The following EML5 variants were observed in gnomAD, a reference collection of about 807,000 sequenced individuals.
The protein encoded by EML5 is echinoderm microtubule-associated protein-like 5.
Under a neutral mutation model 250.0 loss-of-function variants are expected in EML5, and 120 were observed. The observed-to-expected ratio is 0.48, with a 90% confidence interval of 0.41 to 0.56. The LOEUF is 0.56. Among genes scored for constraint, EML5 ranks in the 20% least tolerant of loss-of-function variants. EML5 has a pLI of 0.00. For missense variants in EML5, 2,006 were observed against 2,437.6 expected (o/e 0.82, Z 3.73); for synonymous variants, 771 against 806.5 (o/e 0.96, Z 0.75).
At chr14:88,657,294 T>G (rs1363305871) in intron 27 of EML5, 82 bp downstream of exon 27, 2 of 1,350,408 alleles carry the variant, frequency 1.5e-6, no homozygotes, top group African/African-American at 2.9e-5. Flanking sequence ...ACTTAGTTTG[T>G]GTAAAAAAGC....
At chr14:88,735,056 CAG>C (rs552885185) in intron 7 of EML5, among the ~76,000 whole-genome samples, 1 of 151,882 alleles carries the variant, frequency 6.6e-6, no homozygotes, top group Non-Finnish European at 1.5e-5. Context: ...AAGATACAAA[CAG>C]AAATATTTAC....
intron 6 of EML5, among the ~76,000 whole-genome samples, chr14:88,736,862 CT>C (rs886160532): frequency 1.3e-5 from 2 of 151,854 alleles, no homozygotes; most frequent in Non-Finnish European, 2.9e-5. Flanking sequence ...TTGAGGGGTG[CT>C]TTTTTTAAGC....
chr14:88,678,688 C>T lies in EML5; in HGVS notation c.3124+3202G>A, dbSNP rs892485254. Among the ~76,000 whole-genome samples the T allele has an allele frequency of 3.9e-5, 6 of 152,176 alleles. No individual in the cohort carries two copies. In the East Asian group the frequency reaches 5.8e-4, roughly 15 times the overall value. The stretch of plus-strand genomic sequence containing the variant: ...GAATCATTAGCATCCAGAGTAAACA[C>T]GGGTTATATTGTTTTGAAAAAAATT... On this transcript the variant is annotated intron_variant, in intron 21 of 43. Transcript: ENST00000554922.
At chr14:88,789,057 C>T (rs1054751952) in intron 1 of EML5, among the ~76,000 whole-genome samples, 3 of 151,382 alleles carry the variant, frequency 2.0e-5, no homozygotes, top group African/African-American at 4.9e-5. Flanking sequence ...AGAGCAAGGG[C>T]CTGTCTCAGT....
At chr14:88,734,661 C>T (rs1353524380) in intron 7 of EML5, among the ~76,000 whole-genome samples, 1 of 152,002 alleles carries the variant, frequency 6.6e-6, no homozygotes, top group African/African-American at 2.4e-5. Context: ...ACATTACATA[C>T]CATCAAGCAG....
intron 17 of EML5, among the ~76,000 whole-genome samples, chr14:88,693,660 A>G (rs2093009419): frequency 6.6e-6 from 1 of 152,194 alleles, no homozygotes; most frequent in South Asian, 2.1e-4. Flanking sequence ...ATTACTTTTA[A>G]AAAATAAACT....
chr14:88,634,368 T>C (rs1254865927), intron 33 of EML5, 101 bp downstream of exon 33: 2 of 741,536 alleles, frequency 2.7e-6, no homozygotes, highest in Non-Finnish European at 2.1e-6. Context: ...AGTTCTTTAA[T>C]AGTAATGCAA....
chr14:88,785,559 G>T (rs1286051385), intron 1 of EML5, among the ~76,000 whole-genome samples: 1 of 152,170 alleles, frequency 6.6e-6, no homozygotes, highest in South Asian at 2.1e-4. Flanking sequence ...TTCCAACACT[G>T]TTTCCCAATT....
At chr14:88,761,347 C>T (rs568853421) in intron 1 of EML5, among the ~76,000 whole-genome samples, 3 of 152,168 alleles carry the variant, frequency 2.0e-5, no homozygotes, top group South Asian at 4.2e-4. Context: ...GCTATCCCTC[C>T]CCTTGCACCC....
At chr14:88,788,184 A>AC (rs2094569967) in intron 1 of EML5, among the ~76,000 whole-genome samples, 1 of 146,874 alleles carries the variant, frequency 6.8e-6, no homozygotes, top group African/African-American at 2.7e-5. Flanking sequence ...ATATAAACAC[A>AC]AAAAAAATCT....
At chr14:88,698,119 G>C (rs1407931009) in intron 14 of EML5, among the ~76,000 whole-genome samples, 1 of 152,110 alleles carries the variant, frequency 6.6e-6, no homozygotes, top group East Asian at 1.9e-4. Context: ...AACATTACCA[G>C]TAACTTTTTA....
At chr14:88,618,554 G>A in intron 40 of EML5, 96 bp downstream of exon 40, 1 of 1,382,446 alleles carries the variant, frequency 7.2e-7, no homozygotes, top group Non-Finnish European at 9.7e-7. Context: ...TTGAGAAGCT[G>A]GAGCTCTGGA....
In EML5 at chr14:88,758,487, G is replaced by A. The variant is rs142592663; in HGVS notation, c.198-3816C>T. Among the ~76,000 whole-genome samples the A allele has an allele frequency of 7.9e-3, 1,206 of 152,194 alleles. 18 individuals carry two copies. The highest frequency in any genetic ancestry group is 0.028 in the African/African-American group (1,149 of 41,514). The stretch of plus-strand genomic sequence containing the variant: ...TGGGATTACAGGCATGAGCCACCGC[G>A]CCTGGCCCACTTCTATATTTTAAAA... On this transcript the variant is annotated intron_variant, in intron 1 of 43. Coordinates refer to ENST00000554922, the MANE Select transcript of EML5 (RefSeq NM_183387.3).
chr14:88,764,157 T>A (rs1159149393), intron 1 of EML5, among the ~76,000 whole-genome samples: 1 of 152,226 alleles, frequency 6.6e-6, no homozygotes, highest in African/African-American at 2.4e-5. Flanking sequence ...TTAGCTTATT[T>A]TGTTGAGAAT....
chr14:88,785,171 G>A (rs927404142), intron 1 of EML5, among the ~76,000 whole-genome samples: 9 of 152,140 alleles, frequency 5.9e-5, no homozygotes, highest in Non-Finnish European at 1.0e-4. Flanking sequence ...GTAGAAGGAT[G>A]GTTACCAGAA....
Position 88,694,378 on chromosome 14 carries a change from T to A in EML5, c.2468A>T (p.Lys823Met). The A allele has an allele frequency of 1.3e-6, 2 of 1,589,126 alleles. No individual in the cohort carries two copies. Among genetic ancestry groups the A allele is most frequent in the Non-Finnish European group, 1.7e-6 (2 of 1,167,144 alleles). Reference protein sequence around the residue: ...RGSKDKIFVVKMNPYVPDKLI... With the variant: ...RGSKDKIFVVMMNPYVPDKLI... ...TTTATCAGGCACATAGGGGTTCATC[T>A]TTACAACAAAAATCTTATCTTTACT... Residue 823 changes from lysine (K) to methionine (M), a missense_variant, in exon 17 of 44, where the codon AAG becomes ATG. Transcript: ENST00000554922.
chr14:88,647,138 G>GC (rs1319896326), intron 28 of EML5, among the ~76,000 whole-genome samples, 183 bp from the exon 29 acceptor site: 2 of 152,112 alleles, frequency 1.3e-5, no homozygotes, highest in Non-Finnish European at 2.9e-5. Context: ...CAAGGCAGGA[G>GC]GATCACGAGG....
At chr14:88,627,393 C>A in intron 34 of EML5, 1 of 482,960 alleles carries the variant, frequency 2.1e-6, no homozygotes, top group Non-Finnish European at 3.6e-6. Context: ...TAGTTTCTTG[C>A]TGGAAGAAAA....
At chr14:88,715,288 T>C in intron 8 of EML5, 93 bp from the exon 9 acceptor site, 1 of 1,257,532 alleles carries the variant, frequency 8.0e-7, no homozygotes, top group Non-Finnish European at 1.1e-6. Flanking sequence ...TGAAGCTGTA[T>C]CAAGTGTTTA....
Sources: allele counts gnomAD v4.1 joint callset (sites outside exome capture counted in the v4.1 genomes callset), GRCh38; gene constraint gnomAD v4.1.1; transcripts MANE v1.5; gene names NCBI Gene and HGNC (gene_info 2026-07-23, HGNC 2026-07-21).